CACNA1E: variants seen among roughly 807,000 people sequenced by gnomAD.
The protein encoded by CACNA1E is voltage-dependent R-type calcium channel subunit alpha-1E.
In CACNA1E, 40 loss-of-function variants were observed where a neutral mutation model predicts 259.2. The ratio of observed to expected loss-of-function variants is 0.15; its 90% CI spans 0.12 to 0.20. CACNA1E has a LOEUF of 0.20. CACNA1E is among the 10% of genes least tolerant of loss of function. The pLI is 1.00. For synonymous variants in CACNA1E, 1,104 were observed against 1,138.5 expected, an observed-to-expected ratio of 0.97 and a Z score of 0.61; for missense variants, 1,874 against 3,040.1, an observed-to-expected ratio of 0.62 and a Z score of 9.02.
At chr1:181,556,712 T>G (rs940992542) in intron 3 of CACNA1E, among the ~76,000 whole-genome samples, 1 of 152,102 alleles carries the variant, frequency 6.6e-6, no homozygotes, top group Non-Finnish European at 1.5e-5. Context: ...TGGGAAGAAG[T>G]TGGGGCAGGA....
chr1:181,655,665 GAGAA>G (rs1659149528), intron 7 of CACNA1E, among the ~76,000 whole-genome samples: 1 of 152,208 alleles, frequency 6.6e-6, no homozygotes, highest in Middle Eastern at 3.2e-3. Flanking sequence ...CGATGGAGGA[GAGAA>G]AGAAGAGGAA....
At chr1:181,320,915 G>C (rs1221031276) in intron 1 of CACNA1E, among the ~76,000 whole-genome samples, 1 of 152,162 alleles carries the variant, frequency 6.6e-6, no homozygotes, top group Non-Finnish European at 1.5e-5. Context: ...AAAAAAAGAG[G>C]TTTATTTGGG....
Position 181,333,372 on chromosome 1 carries a change from T to C in CACNA1E, c.-15+15249T>C, listed in dbSNP as rs564456486. ...CCACACCCATTACATACATCAGGGT[T>C]GGCAACATTTTCTGCAAAGGGCCAG... On this transcript the variant is annotated intron_variant, in intron 1 of 11. Coordinates refer to the CACNA1E transcript ENST00000524607. Among the ~76,000 whole-genome samples, 24 of 152,328 alleles carry C rather than the reference T, an allele frequency of 1.6e-4. No individual in the cohort carries two copies. The East Asian group carries it at 4.6e-3, about 29-fold the overall frequency.
intron 6 of CACNA1E, among the ~76,000 whole-genome samples, chr1:181,612,789 C>G (rs868275863): frequency 6.6e-6 from 1 of 152,208 alleles, no homozygotes; most frequent in African/African-American, 2.4e-5. Context: ...TTTGAGTACA[C>G]ATATAACTGT....
intron 7 of CACNA1E, among the ~76,000 whole-genome samples, chr1:181,666,710 A>G (rs1301984210): frequency 4.1e-5 from 6 of 148,084 alleles, no homozygotes; most frequent in African/African-American, 7.4e-5. Flanking sequence ...GGAACCAAAT[A>G]TATATATATA....
chr1:181,504,737 TCGTGCTGCTCAAATTAGCCA>T (rs1479197945), intron 1 of CACNA1E, among the ~76,000 whole-genome samples: 3 of 152,256 alleles, frequency 2.0e-5, no homozygotes. Flanking sequence ...GCAGGCCACG[TCGTGCTGCTCAAATTAGCCA>T]TGTTGCTAAG....
chr1:181,717,689 C>T (rs1654032747), intron 11 of CACNA1E, among the ~76,000 whole-genome samples: 1 of 152,124 alleles, frequency 6.6e-6, no homozygotes, highest in Non-Finnish European at 1.5e-5. Context: ...CCAGATTAGA[C>T]TGCCACTGGG....
intron 7 of CACNA1E, among the ~76,000 whole-genome samples, chr1:181,708,840 A>ATG (rs1653054079): frequency 6.6e-6 from 1 of 152,246 alleles, no homozygotes; most frequent in African/African-American, 2.4e-5. Context: ...GTAAATTAAG[A>ATG]TGTGCTCTAC....
At chr1:181,430,390 C>T (rs368068823) in intron 2 of CACNA1E, among the ~76,000 whole-genome samples, 1 of 152,178 alleles carries the variant, frequency 6.6e-6, no homozygotes, top group Non-Finnish European at 1.5e-5. Context: ...AAGAAACTCC[C>T]CTCATCTCTG....
At chr1:181,705,323 T>C (rs907386170) in intron 7 of CACNA1E, among the ~76,000 whole-genome samples, 2 of 152,236 alleles carry the variant, frequency 1.3e-5, no homozygotes, top group Non-Finnish European at 2.9e-5. Context: ...AATGATTAAT[T>C]ATATAGAATT....
At chr1:181,397,374 C>G (rs1656754108) in intron 1 of CACNA1E, among the ~76,000 whole-genome samples, 1 of 152,188 alleles carries the variant, frequency 6.6e-6, no homozygotes, top group Admixed American at 6.5e-5. Context: ...GATCTTAGCT[C>G]ACTGCAACCT....
intron 2 of CACNA1E, among the ~76,000 whole-genome samples, chr1:181,448,261 C>T (rs1472643460): frequency 6.6e-6 from 1 of 152,192 alleles, no homozygotes; most frequent in African/African-American, 2.4e-5. Flanking sequence ...TGAGCACCTA[C>T]TGTATGCCAA....
chr1:181,604,527 T>C (rs1192072616), intron 6 of CACNA1E, among the ~76,000 whole-genome samples: 2 of 152,210 alleles, frequency 1.3e-5, no homozygotes, highest in Non-Finnish European at 2.9e-5. Context: ...AGTATTTTCC[T>C]CTGGACTAGG....
At chr1:181,531,168 C>G (rs1207629705) in intron 3 of CACNA1E, among the ~76,000 whole-genome samples, 1 of 152,160 alleles carries the variant, frequency 6.6e-6, no homozygotes, top group East Asian at 1.9e-4. Flanking sequence ...TTTGGAGAAA[C>G]CATAACTTAT....
intron 2 of CACNA1E, among the ~76,000 whole-genome samples, chr1:181,441,985 A>G (rs1294381849): frequency 6.6e-6 from 1 of 152,184 alleles, no homozygotes; most frequent in South Asian, 2.1e-4. Context: ...AGAAGTTGCC[A>G]GGTCTACTCA....
chr1:181,567,477 AAAG>A (rs757126966), intron 3 of CACNA1E, among the ~76,000 whole-genome samples: 51 of 152,330 alleles, frequency 3.3e-4, no homozygotes, highest in Admixed American at 9.2e-4. Flanking sequence ...GAAAACAACA[AAAG>A]AAACTCCAAA....
At chr1:181,607,619 G>A (rs1291807494) in intron 6 of CACNA1E, among the ~76,000 whole-genome samples, 1 of 152,082 alleles carries the variant, frequency 6.6e-6, no homozygotes, top group African/African-American at 2.4e-5. Flanking sequence ...GATTATTAAT[G>A]GTAATAATAC....
At position 181,697,675 on chromosome 1, in the gene CACNA1E, CAG is replaced by C. The variant is rs1285088282; in HGVS notation, c.1056-13277_1056-13276del. ...TGAAAACTGAAATGAAAAATATAAA[CAG>C]ATATAAAATACAGCCATCAATTTTT... is the stretch of plus-strand genomic sequence containing the variant. On this transcript the variant is annotated intron_variant, in intron 7 of 47. Coordinates refer to ENST00000367573, the MANE Select transcript of CACNA1E (RefSeq NM_001205293.3). 9.9e-5 allele frequency among the ~76,000 whole-genome samples: 15 copies of C among 152,278 alleles called. No individual in the cohort carries two copies. The East Asian group carries it at 2.9e-3, about 29-fold the overall frequency.
chr1:181,664,872 T>C (rs1328650797), intron 7 of CACNA1E, among the ~76,000 whole-genome samples: 1 of 152,188 alleles, frequency 6.6e-6, no homozygotes, highest in Non-Finnish European at 1.5e-5. Context: ...TAAGTAGAAC[T>C]ATCAACATAA....
Sources: gnomAD v4.1 joint callset for allele counts (sites outside exome capture counted in the v4.1 genomes callset) on GRCh38, gnomAD v4.1.1 for gene constraint, MANE v1.5 for transcripts, NCBI Gene and HGNC (gene_info 2026-07-23, HGNC 2026-07-21) for gene names.